Variants in NRXN1 observed in about 807,000 individuals in gnomAD.
NRXN1 encodes neurexin-1.
In NRXN1, 39 loss-of-function variants were observed where a neutral mutation model predicts 150.9. The ratio of observed to expected loss-of-function variants is 0.26; its 90% CI spans 0.20 to 0.34. The LOEUF (loss-of-function observed/expected upper bound fraction) is 0.34, where lower values mean the gene tolerates loss of function less well. NRXN1 is among the 10% of genes least tolerant of loss of function. The probability of loss-of-function intolerance (pLI) is 1.00; values close to 1 mark genes in which losing one functional copy is unlikely to be tolerated. For missense variants in NRXN1, 1,815 were observed against 1,949.9 expected (o/e 0.93, Z 1.30); for synonymous variants, 924 against 757.0 (o/e 1.22, Z -3.62).
intron 17 of NRXN1, among the ~76,000 whole-genome samples, chr2:50,363,019 G>A (rs889316686): frequency 3.3e-5 from 5 of 152,162 alleles, no homozygotes; most frequent in Admixed American, 6.5e-5. Flanking sequence ...AAATGGTGTT[G>A]GGGGAACTGG....
intron 17 of NRXN1, among the ~76,000 whole-genome samples, chr2:50,357,510 G>A (rs1008943302): frequency 6.6e-5 from 10 of 151,984 alleles, no homozygotes; most frequent in Middle Eastern, 3.4e-3. Context: ...GTTTCTCCAT[G>A]TTAGTCAGGC....
intron 11 of NRXN1, among the ~76,000 whole-genome samples, chr2:50,530,781 G>A (rs1464337140): frequency 1.3e-5 from 2 of 152,170 alleles, no homozygotes; most frequent in African/African-American, 4.8e-5. Context: ...ATGGAGTAGA[G>A]TAAGAACAGC....
intron 2 of NRXN1, among the ~76,000 whole-genome samples, chr2:50,969,823 A>G (rs1442089841): frequency 6.6e-6 from 1 of 152,184 alleles, no homozygotes; most frequent in East Asian, 1.9e-4. Context: ...TTAATTGGAG[A>G]AAAGACAAAC....
intron 21 of NRXN1, among the ~76,000 whole-genome samples, chr2:50,002,007 G>A (rs1184789324): frequency 2.0e-5 from 3 of 151,920 alleles, no homozygotes; most frequent in Non-Finnish European, 2.9e-5. Flanking sequence ...TCTAAGAGTT[G>A]AGGGCCTCAG....
intron 5 of NRXN1, among the ~76,000 whole-genome samples, chr2:50,649,370 C>T (rs1352692956): frequency 6.6e-6 from 1 of 151,764 alleles, no homozygotes; most frequent in Non-Finnish European, 1.5e-5. Flanking sequence ...TATCTATAGA[C>T]ATTGTCATAG....
At chr2:50,849,824 C>T (rs968975862) in intron 5 of NRXN1, among the ~76,000 whole-genome samples, 2 of 151,936 alleles carry the variant, frequency 1.3e-5, no homozygotes, top group Non-Finnish European at 2.9e-5. Flanking sequence ...TAATATAGTC[C>T]CTCTCTTCCC....
chr2:50,394,948 T>C (rs1315718131), intron 17 of NRXN1, among the ~76,000 whole-genome samples: 3 of 152,084 alleles, frequency 2.0e-5, no homozygotes, highest in African/African-American at 7.2e-5. Flanking sequence ...GACAGTCACA[T>C]GACTACTTTT....
chr2:50,553,551 C>G (rs1244655677), intron 8 of NRXN1, among the ~76,000 whole-genome samples: 4 of 152,098 alleles, frequency 2.6e-5, no homozygotes, highest in Non-Finnish European at 2.9e-5. Context: ...ACAGTCACAA[C>G]AAGTTAAAGC....
intron 21 of NRXN1, among the ~76,000 whole-genome samples, chr2:50,034,736 A>G (rs1689755827): frequency 6.6e-6 from 1 of 152,084 alleles, no homozygotes; most frequent in African/African-American, 2.4e-5. Context: ...CAATATTTGA[A>G]TGTGGTTTTG....
At chr2:50,309,865 C>G (rs78633044) in intron 17 of NRXN1, among the ~76,000 whole-genome samples, 1 of 152,152 alleles carries the variant, frequency 6.6e-6, no homozygotes, top group Non-Finnish European at 1.5e-5. Flanking sequence ...AAAATGTTCA[C>G]AATCTTTCTT....
chr2:50,570,930 T>C (rs2105457080), intron 8 of NRXN1, among the ~76,000 whole-genome samples: 1 of 152,286 alleles, frequency 6.6e-6, no homozygotes, highest in African/African-American at 2.4e-5. Context: ...TAGATAGATG[T>C]AAATTTTCCA....
intron 2 of NRXN1, among the ~76,000 whole-genome samples, chr2:50,933,284 C>T (rs961442626): frequency 3.3e-5 from 5 of 152,014 alleles, no homozygotes; most frequent in Admixed American, 1.3e-4. Flanking sequence ...CACTTTTGTT[C>T]AAAGCCAAAT....
At chr2:50,869,177 A>G (rs1424148257) in intron 5 of NRXN1, among the ~76,000 whole-genome samples, 1 of 151,800 alleles carries the variant, frequency 6.6e-6, no homozygotes, top group Admixed American at 6.6e-5. Flanking sequence ...AAGTTCAATA[A>G]TGAAGCAATT....
intron 5 of NRXN1, among the ~76,000 whole-genome samples, chr2:50,723,927 T>C (rs1696995351): frequency 6.6e-6 from 1 of 152,190 alleles, no homozygotes; most frequent in African/African-American, 2.4e-5. Flanking sequence ...AGCTTGTTAA[T>C]TCAACACTAA....
intron 5 of NRXN1, among the ~76,000 whole-genome samples, chr2:50,719,161 CAT>C (rs1000018419): frequency 4.0e-4 from 61 of 151,788 alleles, no homozygotes; most frequent in Admixed American, 1.5e-3. Flanking sequence ...AACTATCACA[CAT>C]GTTTGACTAT....
At chr2:50,408,728 A>G (rs2082928466) in intron 17 of NRXN1, among the ~76,000 whole-genome samples, 1 of 151,952 alleles carries the variant, frequency 6.6e-6, no homozygotes, top group Non-Finnish European at 1.5e-5. Context: ...CCTGACTTCC[A>G]TTTGCCCCTC....
chr2:50,492,464 T>G (rs146470292), intron 15 of NRXN1, among the ~76,000 whole-genome samples: 1 of 152,116 alleles, frequency 6.6e-6, no homozygotes, highest in African/African-American at 2.4e-5. Flanking sequence ...TGAGCCCCAG[T>G]TTTCAAAGTT....
intron 17 of NRXN1, among the ~76,000 whole-genome samples, chr2:50,273,223 A>G (rs9309180): frequency 0.56 from 85,292 of 151,992 alleles, 24,281 homozygotes; most frequent in African/African-American, 0.63. Context: ...TTGGCAATCT[A>G]CCAAAATGAA....
At chr2:50,910,717 T>A (rs1684395320) in intron 5 of NRXN1, among the ~76,000 whole-genome samples, 1 of 151,902 alleles carries the variant, frequency 6.6e-6, no homozygotes, top group Non-Finnish European at 1.5e-5. Flanking sequence ...ATAATGGTGT[T>A]CCTAAAAAAA....
Sources: gnomAD v4.1 joint callset for allele counts (sites outside exome capture counted in the v4.1 genomes callset) on GRCh38, gnomAD v4.1.1 for gene constraint, MANE v1.5 for transcripts, NCBI Gene and HGNC (gene_info 2026-07-23, HGNC 2026-07-21) for gene names.